Variants in BCORL1 observed in about 807,000 individuals in gnomAD.
BCORL1 encodes BCL6 corepressor like 1, also known as BCL-6 corepressor-like protein 1.
Under a neutral mutation model 87.6 loss-of-function variants are expected in BCORL1, and 7 were observed. The ratio of observed to expected loss-of-function variants is 0.08; its 90% CI spans 0.05 to 0.15. The LOEUF is 0.15. BCORL1 is among the 10% of genes least tolerant of loss of function. The pLI is 1.00. For synonymous variants in BCORL1, 591 were observed against 634.4 expected, an observed-to-expected ratio of 0.93 and a Z score of 1.03; for missense variants, 1,215 against 1,499.7, an observed-to-expected ratio of 0.81 and a Z score of 3.13.
Position 130,013,014 on chromosome X carries a change from C to T in BCORL1, c.242C>T (p.Thr81Ile). Residue 81 changes from threonine to isoleucine, a missense_variant, in exon 4 of 14, where the codon ACA (threonine) becomes ATA (isoleucine). By Grantham distance (89) the Thr-to-Ile change is moderately conservative (BLOSUM62 -1). This residue lies in a region of BCORL1 where 861 missense variants were observed against 1,010.0 expected (regional missense o/e 0.85). Coordinates refer to ENST00000540052, the MANE Select transcript of BCORL1 (RefSeq NM_001379451.1). ...GGGGCAGACCCAGATGGCAGTGCTA[C>T]AGAAAAACTTGGGCACAAGTCAGAA... ...ARGADPDGSATEKLGHKSEDK... is the reference protein window; with the variant it reads ...ARGADPDGSAIEKLGHKSEDK... The T allele has an allele frequency of 4.1e-6, 5 of 1,208,511 alleles. No homozygotes were observed. The highest frequency in any genetic ancestry group is 5.6e-6 in the Non-Finnish European group (5 of 892,772).
rs910429609 is a variant in BCORL1, at chrX:130,057,269, C to T, written c.*1133C>T. The T allele has an allele frequency of 6.3e-5, 7 of 110,736 alleles. No homozygotes were observed. Among genetic ancestry groups the T allele is most frequent in the African/African-American group, 2.3e-4 (7 of 30,510 alleles). 9.1% of individuals were successfully genotyped at this position (110,736 alleles called of 1,213,427 possible). A position where few individuals can be genotyped will look rare whatever the true frequency, so the allele number is the denominator to read the frequency against. ...CTCACTGCCGGATGTGAAATCCAGG[C>T]GTCAGCTGTTTCCTAGGCAAGGGCA... On this transcript the variant is annotated 3_prime_UTR_variant, in exon 14 of 14. Coordinates refer to ENST00000540052, the MANE Select transcript of BCORL1 (RefSeq NM_001379451.1).
intron 1 of BCORL1, among the ~76,000 whole-genome samples, chrX:129,985,325 A>G (rs1268425723): frequency 4.5e-5 from 5 of 111,682 alleles, no homozygotes; most frequent in Admixed American, 1.9e-4. Context: ...GTTGGAATTG[A>G]GGGAGCTTTA....
At chrX:130,055,646 A>G (rs1257734598) in intron 13 of BCORL1, among the ~76,000 whole-genome samples, 3 of 112,921 alleles carry the variant, frequency 2.7e-5, no homozygotes, top group Non-Finnish European at 5.6e-5. Context: ...CGGGCCAGGC[A>G]TTGCAGGGGA....
intron 11 of BCORL1, among the ~76,000 whole-genome samples, chrX:130,044,454 A>G (rs770142648): frequency 7.2e-5 from 8 of 110,797 alleles, no homozygotes; most frequent in Admixed American, 6.8e-4. Flanking sequence ...GCTGTGTGCA[A>G]AGGCCCCTGT....
Position 130,014,618 on chromosome X carries a change from G to C in BCORL1, c.1846G>C (p.Glu616Gln). ...QLEREMASPP[E>Q]CSEMPLDLSS... ...GGAACGAGAGATGGCCTCTCCACCT[G>C]AGTGCAGCGAGATGCCCCTTGATCT... Residue 616 changes from glutamate to glutamine, a missense_variant, in exon 4 of 14, where the codon GAG (glutamate) becomes CAG (glutamine). Physicochemically the swap from Glu to Gln is conservative, Grantham distance 29. This residue lies in a region of BCORL1 where 861 missense variants were observed against 1,010.0 expected (regional missense o/e 0.85). Coordinates refer to ENST00000540052, the MANE Select transcript of BCORL1 (RefSeq NM_001379451.1). 1 of 1,211,363 alleles carries C rather than the reference G, an allele frequency of 8.3e-7. No homozygotes were observed. Among genetic ancestry groups the C allele is most frequent in the Non-Finnish European group, 1.1e-6 (1 of 895,465 alleles).
chrX:129,999,689 C>T (rs781391389), intron 1 of BCORL1, among the ~76,000 whole-genome samples: 4 of 102,656 alleles, frequency 3.9e-5, no homozygotes, highest in Non-Finnish European at 8.0e-5. Context: ...CTTTTTCCCC[C>T]CCCCCAGACA....
chrX:130,054,307 TTAG>T, intron 13 of BCORL1, among the ~76,000 whole-genome samples: 1 of 111,760 alleles, frequency 8.9e-6, no homozygotes, highest in Admixed American at 9.5e-5. Flanking sequence ...ATGGGTTTTG[TTAG>T]TAGTATTACA....
Position 130,013,266 on chromosome X carries a change from G to T in BCORL1, c.494G>T (p.Arg165Leu). Residue 165 changes from arginine (R) to leucine (L), a missense_variant, in exon 4 of 14, where the codon CGG becomes CTG. By Grantham distance (102) the Arg-to-Leu change is moderately radical. Around this residue, in one of 5 missense-constraint regions of BCORL1, gnomAD observed 861 missense variants for 1,010.0 expected, o/e 0.85. Coordinates refer to ENST00000540052, the MANE Select transcript of BCORL1 (RefSeq NM_001379451.1). ...GCCGGAGTAAAGGCTTTGGACTCTC[G>T]GCAAGGTGTTGGAGAGAAGAATACT... ...SPAGVKALDS[R>L]QGVGEKNTFI... 8.3e-7 allele frequency: 1 copy of T among 1,211,911 alleles called. No individual in the cohort carries two copies. Among genetic ancestry groups the T allele is most frequent in the South Asian group, 1.8e-5 (1 of 56,993 alleles).
In BCORL1 at chrX:130,013,743, C is replaced by T. The variant is rs1322351454; in HGVS notation, c.971C>T (p.Ser324Leu). Residue 324 changes from serine (S) to leucine (L), a missense_variant, in exon 4 of 14, where the codon TCA becomes TTA. Physicochemically the swap from Ser to Leu is moderately radical, Grantham distance 145. Coordinates refer to ENST00000540052, the MANE Select transcript of BCORL1 (RefSeq NM_001379451.1). ...CTCATCCAGGCTCCTGTGCCCCCTT[C>T]AGCTCCGACCTTGGTTCTCGCTCCC... is the stretch of plus-strand genomic sequence containing the variant. Reference protein sequence around the residue: ...LALIQAPVPPSAPTLVLAPVP... With the variant: ...LALIQAPVPPLAPTLVLAPVP... 1.7e-6 allele frequency: 2 copies of T among 1,191,321 alleles called. No homozygotes were observed. The highest frequency in any genetic ancestry group is 1.8e-5 in the African/African-American group (1 of 56,371).
intron 1 of BCORL1, among the ~76,000 whole-genome samples, chrX:130,004,241 GTT>G (rs1189082044): frequency 5.8e-5 from 5 of 85,628 alleles, no homozygotes; most frequent in African/African-American, 9.6e-5. Flanking sequence ...GAAATGTGTG[GTT>G]TTTTTTTTTT....
Position 130,015,681 on chromosome X carries a change from G to A in BCORL1, c.2909G>A (p.Gly970Glu), listed in dbSNP as rs752779465. 3.3e-6 allele frequency: 4 copies of A among 1,210,171 alleles called. No individual in the cohort carries two copies. The Admixed American group carries it at 6.5e-5, about 20-fold the overall frequency. The change falls in exon 4 of 14, where the codon GGG becomes GAG. Residue 970 changes from glycine (G) to glutamate (E), a missense_variant. Gly to Glu is a moderately conservative substitution (Grantham distance 98). This residue lies in a region of BCORL1 where 861 missense variants were observed against 1,010.0 expected (regional missense o/e 0.85). Coordinates refer to ENST00000540052, the MANE Select transcript of BCORL1 (RefSeq NM_001379451.1). ...ACTCCTAAGATGGAAGGCCCCCAGG[G>A]GGCTTGTGGCCTGAAGCTGGCAGGA... ...DSTPKMEGPQ[G>E]ACGLKLAGDT...
chrX:129,995,629 G>A (rs1026469872), intron 1 of BCORL1, among the ~76,000 whole-genome samples: 3 of 109,863 alleles, frequency 2.7e-5, no homozygotes, highest in Admixed American at 2.0e-4. Flanking sequence ...TAGTAGAGAT[G>A]GGGTTTCGGC....
Position 130,037,550 on chromosome X carries a change from TC to T in BCORL1, c.4694+23del, listed in dbSNP as rs1299625983. The T allele has an allele frequency of 1.9e-5, 23 of 1,185,509 alleles. No homozygotes were observed. Among genetic ancestry groups the T allele is most frequent in the Middle Eastern group, 4.9e-4 (2 of 4,116 alleles). The stretch of plus-strand genomic sequence containing the variant: ...CGGCACGAGGCAAGAGGGCTGCATC[TC>T]CCCCCAGTCCCGCCCTCACTCCCAG... On this transcript the variant is annotated intron_variant, in intron 10 of 13. Coordinates refer to ENST00000540052, the MANE Select transcript of BCORL1 (RefSeq NM_001379451.1).
At chrX:129,985,386 T>G (rs888150662) in intron 1 of BCORL1, among the ~76,000 whole-genome samples, 1 of 111,645 alleles carries the variant, frequency 9.0e-6, no homozygotes, top group Non-Finnish European at 1.9e-5. Context: ...GTGCACAGTT[T>G]AGGGTACTTT....
At chrX:129,998,752 C>G (rs1927761033) in intron 1 of BCORL1, among the ~76,000 whole-genome samples, 1 of 111,607 alleles carries the variant, frequency 9.0e-6, no homozygotes, top group Non-Finnish European at 1.9e-5. Context: ...GAAGACCAAT[C>G]TTGCCTTCTT....
intron 11 of BCORL1, among the ~76,000 whole-genome samples, chrX:130,043,720 G>A (rs1336945251): frequency 4.6e-5 from 4 of 86,340 alleles, no homozygotes; most frequent in Admixed American, 1.4e-4. Flanking sequence ...GACTACAGGC[G>A]CCCGCCACCA....
chrX:130,048,664 A>G lies in BCORL1; in HGVS notation c.4841-2053A>G, dbSNP rs924124059. On this transcript the variant is annotated intron_variant, in intron 11 of 13. Coordinates refer to ENST00000540052, the MANE Select transcript of BCORL1 (RefSeq NM_001379451.1). ...TAAAACTTTTATTGTGGTCAAATAC[A>G]TAGAACCCAAAGTTTACTATTTTAA... Among the ~76,000 whole-genome samples, 4 of 112,473 alleles carry G rather than the reference A, an allele frequency of 3.6e-5. No individual in the cohort carries two copies. In the East Asian group the frequency reaches 8.3e-4, roughly 23 times the overall value.
rs764336611 is a variant in BCORL1, at chrX:130,021,097, C to T, written c.3554C>T (p.Pro1185Leu). 8.3e-6 allele frequency: 10 copies of T among 1,201,149 alleles called. No homozygotes were observed. Among genetic ancestry groups the T allele is most frequent in the African/African-American group, 1.8e-5 (1 of 56,864 alleles). The change falls in exon 5 of 14, where the codon CCG (proline) becomes CTG (leucine). Residue 1185 changes from proline (P) to leucine (L), a missense_variant. Pro to Leu is a moderately conservative substitution (Grantham distance 98, BLOSUM62 -3). Coordinates refer to ENST00000540052, the MANE Select transcript of BCORL1 (RefSeq NM_001379451.1). ...AGGGGAAAGCACAAGCACCGGAAGC[C>T]GACAAAGCCGGAGTCCCAGTCTCCA... ...GVRGKHKHRK[P>L]TKPESQSPGK...
intron 6 of BCORL1, among the ~76,000 whole-genome samples, chrX:130,024,004 TG>T (rs1238847439): frequency 8.9e-6 from 1 of 112,584 alleles, no homozygotes; most frequent in African/African-American, 3.2e-5. Context: ...CGCTTGGGTC[TG>T]GGGACTGTTG....
Sources: gnomAD v4.1 joint callset for allele counts (sites outside exome capture counted in the v4.1 genomes callset) on GRCh38, gnomAD v4.1.1 for gene constraint, gnomAD v4.1.1 regional missense constraint, MANE v1.5 for transcripts, NCBI Gene and HGNC (gene_info 2026-07-23, HGNC 2026-07-21) for gene names.